Variants in TLN2 observed in about 807,000 individuals in gnomAD.
TLN2 encodes talin-2.
TLN2 carries 118 observed loss-of-function variants against 294.7 expected under a neutral mutation model. The ratio of observed to expected loss-of-function variants is 0.40; its 90% CI spans 0.34 to 0.47. The LOEUF (loss-of-function observed/expected upper bound fraction) is 0.47. TLN2 is among the 20% of genes least tolerant of loss of function. TLN2 has a pLI of 0.84. For synonymous variants in TLN2, 1,431 were observed against 1,304.5 expected, an observed-to-expected ratio of 1.10 and a Z score of -2.09; for missense variants, 3,083 against 3,282.2, an observed-to-expected ratio of 0.94 and a Z score of 1.48.
chr15:62,779,267 C>T (rs958929350), intron 43 of TLN2, among the ~76,000 whole-genome samples: 1 of 152,122 alleles, frequency 6.6e-6, no homozygotes, highest in African/African-American at 2.4e-5. Context: ...GCTCTCGGGA[C>T]GTTGATTTCC....
chr15:62,690,317 T>C (rs1156482037), intron 12 of TLN2: 8 of 135,006 alleles, frequency 5.9e-5, no homozygotes, highest in South Asian at 4.0e-4. Flanking sequence ...AGAGACGCTC[T>C]TCACCTCCCA....
intron 2 of TLN2, among the ~76,000 whole-genome samples, chr15:62,593,526 C>T (rs983641040): frequency 6.6e-6 from 1 of 152,102 alleles, no homozygotes; most frequent in African/African-American, 2.4e-5. Flanking sequence ...ATTAAGAAGC[C>T]CCCCTGGAGA....
At chr15:62,571,754 C>T (rs1400042497) in intron 1 of TLN2, among the ~76,000 whole-genome samples, 2 of 152,194 alleles carry the variant, frequency 1.3e-5, no homozygotes, top group African/African-American at 4.8e-5. Flanking sequence ...AATAAATCCT[C>T]AACATCACAT....
chr15:62,813,927 G>C (rs976023285), intron 52 of TLN2, among the ~76,000 whole-genome samples: 1 of 151,634 alleles, frequency 6.6e-6, no homozygotes, highest in African/African-American at 2.4e-5. Flanking sequence ...TGATTCTCCT[G>C]CCTCAGCCTC....
chr15:62,403,235 G>GA (rs11413710), intron 1 of TLN2, among the ~76,000 whole-genome samples: 15,570 of 149,058 alleles, frequency 0.1, 919 homozygotes, highest in Middle Eastern at 0.14. Flanking sequence ...AAAAAGAGAG[G>GA]AAAAAAAAAA....
chr15:62,535,360 A>T (rs2041278477), intron 1 of TLN2, among the ~76,000 whole-genome samples: 2 of 151,904 alleles, frequency 1.3e-5, no homozygotes, highest in African/African-American at 4.8e-5. Flanking sequence ...TAGGTGATCT[A>T]TGGCAGTGGT....
intron 1 of TLN2, among the ~76,000 whole-genome samples, chr15:62,459,765 C>T (rs2036686882): frequency 6.6e-6 from 1 of 152,024 alleles, no homozygotes; most frequent in African/African-American, 2.4e-5. Context: ...GATCCTGTTC[C>T]AGGGGCTTGT....
At position 62,783,870 on chromosome 15, in the gene TLN2, G is replaced by C; in HGVS notation, c.5716G>C (p.Ala1906Pro). The C allele has an allele frequency of 1.2e-6, 2 of 1,614,062 alleles. No individual in the cohort carries two copies. Among genetic ancestry groups the C allele is most frequent in the Non-Finnish European group, 1.7e-6 (2 of 1,179,982 alleles). ...GGCTTTCCAGGGCCAGATGGCAGCA[G>C]CCACGGCGGAACCAGAGGAGGTCTG... ...HLAFQGQMAAATAEPEEIGFQ... is the reference protein window; with the variant it reads ...HLAFQGQMAAPTAEPEEIGFQ... Residue 1906 changes from alanine to proline, a missense_variant, in exon 45 of 59, where the codon GCC (alanine) becomes CCC (proline). Physicochemically the swap from Ala to Pro is conservative, Grantham distance 27 (BLOSUM62 -1). Transcript: ENST00000636159.
chr15:62,437,181 T>C (rs2035325916), intron 1 of TLN2, among the ~76,000 whole-genome samples: 1 of 152,234 alleles, frequency 6.6e-6, no homozygotes, highest in African/African-American at 2.4e-5. Flanking sequence ...TGAGGAAAAA[T>C]ACCATCAAGG....
Position 62,694,375 on chromosome 15 carries a change from G to A in TLN2, c.1275G>A (p.Glu425=), listed in dbSNP as rs1206332197. 6.2e-7 allele frequency: 1 copy of A among 1,614,040 alleles called. No individual in the cohort carries two copies. The highest frequency in any genetic ancestry group is 2.2e-5 in the East Asian group (1 of 44,864). Residue 425 remains glutamate, a synonymous_variant, in exon 14 of 59, where the codon GAG becomes GAA. Coordinates refer to ENST00000636159, the MANE Select transcript of TLN2 (RefSeq NM_015059.3). ...EGDEESTMLE[E]SVSPKKSTIL... The stretch of plus-strand genomic sequence containing the variant: ...ATGAGGAGTCAACCATGTTAGAAGA[G>A]TCCGTTTCCCCAAAAAAGTAAGTAT...
chr15:62,525,790 C>T (rs1320645997), intron 1 of TLN2, among the ~76,000 whole-genome samples: 2 of 152,134 alleles, frequency 1.3e-5, no homozygotes, highest in Non-Finnish European at 2.9e-5. Context: ...CTCACCTGTT[C>T]CCCCCAGCCC....
At chr15:62,724,834 A>G in intron 26 of TLN2, 142 bp from the exon 27 acceptor site, 1 of 1,114,840 alleles carries the variant, frequency 9.0e-7, no homozygotes, top group Non-Finnish European at 1.2e-6. Context: ...TCTCTCAGAA[A>G]AAATACTTGC....
chr15:62,839,068 A>AAAGT (rs2070237966), intron 58 of TLN2, 87 bp downstream of exon 58: 12 of 1,516,504 alleles, frequency 7.9e-6, no homozygotes, highest in Non-Finnish European at 8.9e-6. Context: ...CTTCAAGATG[A>AAAGT]AAGTTTATTT....
chr15:62,796,958 G>T (rs1417847741), intron 47 of TLN2, among the ~76,000 whole-genome samples: 1 of 152,202 alleles, frequency 6.6e-6, no homozygotes, highest in African/African-American at 2.4e-5. Context: ...AAGGGAGCCA[G>T]GTTGGTGGGC....
chr15:62,823,971 T>A, intron 54 of TLN2: 1 of 530,190 alleles, frequency 1.9e-6, no homozygotes, highest in Non-Finnish European at 3.9e-6. Context: ...GGCCTCTGTG[T>A]GATATGTTTG....
chr15:62,478,524 A>G (rs1211497200), intron 1 of TLN2, among the ~76,000 whole-genome samples: 1 of 151,970 alleles, frequency 6.6e-6, no homozygotes, highest in Non-Finnish European at 1.5e-5. Flanking sequence ...TTCATTTTGG[A>G]GGCAGACTTC....
chr15:62,703,332 C>G (rs917370628), intron 19 of TLN2, among the ~76,000 whole-genome samples: 13 of 151,966 alleles, frequency 8.6e-5, no homozygotes, highest in African/African-American at 3.1e-4. Flanking sequence ...CGAACTTTGA[C>G]CTCGTGATCT....
At chr15:62,442,358 G>T (rs916814920) in intron 1 of TLN2, among the ~76,000 whole-genome samples, 11 of 151,870 alleles carry the variant, frequency 7.2e-5, no homozygotes, top group African/African-American at 2.7e-4. Context: ...AGCTGGTGTG[G>T]TGGTGCGTGC....
chr15:62,508,646 G>A (rs2039764225), intron 1 of TLN2, among the ~76,000 whole-genome samples: 1 of 152,122 alleles, frequency 6.6e-6, no homozygotes. Context: ...AAATAAAAAA[G>A]GTAATACCTT....
Sources: allele counts gnomAD v4.1 joint callset (sites outside exome capture counted in the v4.1 genomes callset), GRCh38; gene constraint gnomAD v4.1.1; transcripts MANE v1.5; gene names NCBI Gene and HGNC (gene_info 2026-07-23, HGNC 2026-07-21).